LRRC4C: variants seen among roughly 807,000 people sequenced by gnomAD.
The protein encoded by LRRC4C is leucine rich repeat containing 4C.
Under a neutral mutation model 33.6 loss-of-function variants are expected in LRRC4C, and 5 were observed. That is an observed-to-expected ratio of 0.15 (90% confidence interval 0.08 to 0.31). The LOEUF is 0.31. LRRC4C is among the 10% of genes least tolerant of loss of function. The probability of loss-of-function intolerance (pLI) is 1.00; values close to 1 mark genes in which losing one functional copy is unlikely to be tolerated. For synonymous variants in LRRC4C, 329 were observed against 302.0 expected (o/e 1.09, Z -0.93); for missense variants, 560 against 796.7 (o/e 0.70, Z 3.58).
At chr11:41,090,016 A>T in intron 1 of LRRC4C, among the ~76,000 whole-genome samples, 1 of 68,462 alleles carries the variant, frequency 1.5e-5, no homozygotes, top group East Asian at 4.3e-4. Flanking sequence ...ATTGATATTC[A>T]AAAAAAAATT....
chr11:40,401,675 G>T (rs1438695413), intron 3 of LRRC4C, among the ~76,000 whole-genome samples: 1 of 152,132 alleles, frequency 6.6e-6, no homozygotes, highest in Non-Finnish European at 1.5e-5. Flanking sequence ...TTCCACATGA[G>T]TGTGTGTTGC....
intron 1 of LRRC4C, among the ~76,000 whole-genome samples, chr11:41,192,382 C>T: frequency 6.9e-6 from 1 of 144,012 alleles, no homozygotes; most frequent in Admixed American, 7.1e-5. Flanking sequence ...GACAACAGGG[C>T]TAATCAAGAA....
intron 6 of LRRC4C, among the ~76,000 whole-genome samples, chr11:40,125,619 T>A (rs1856166141): frequency 6.6e-6 from 1 of 152,164 alleles, no homozygotes; most frequent in Admixed American, 6.6e-5. Context: ...TATTATTTTA[T>A]TTTCCTATAC....
At chr11:41,302,340 C>T (rs975169073) in intron 1 of LRRC4C, among the ~76,000 whole-genome samples, 13 of 152,148 alleles carry the variant, frequency 8.5e-5, no homozygotes, top group African/African-American at 2.4e-4. Flanking sequence ...GGGGAAGCTA[C>T]GCAATCACAG....
chr11:41,107,358 A>G (rs652212), intron 1 of LRRC4C, among the ~76,000 whole-genome samples: 1 of 152,114 alleles, frequency 6.6e-6, no homozygotes, highest in South Asian at 2.1e-4. Flanking sequence ...ACAATACTGT[A>G]TTAGAGATAC....
chr11:40,250,124 C>T (rs1296077670), intron 4 of LRRC4C, among the ~76,000 whole-genome samples: 1 of 148,612 alleles, frequency 6.7e-6, no homozygotes, highest in Non-Finnish European at 1.5e-5. Flanking sequence ...TCCTTGTTAT[C>T]GATGAACTAC....
intron 1 of LRRC4C, among the ~76,000 whole-genome samples, chr11:41,035,433 A>C (rs1280164297): frequency 6.6e-6 from 1 of 151,950 alleles, no homozygotes; most frequent in Non-Finnish European, 1.5e-5. Flanking sequence ...CTCTGTGACC[A>C]TGTGTTCTCA....
intron 3 of LRRC4C, among the ~76,000 whole-genome samples, chr11:40,366,092 T>C (rs142465089): frequency 0.012 from 1,897 of 152,198 alleles, 29 homozygotes; most frequent in African/African-American, 0.038. Flanking sequence ...AACTGTGTTT[T>C]GTTTTTGTAA....
chr11:41,253,250 C>G, intron 1 of LRRC4C, among the ~76,000 whole-genome samples: 1 of 152,202 alleles, frequency 6.6e-6, no homozygotes, highest in Admixed American at 6.5e-5. Context: ...TTATAATCAT[C>G]AAAATGAGTA....
chr11:41,317,030 A>G (rs1399216845), intron 1 of LRRC4C, among the ~76,000 whole-genome samples: 1 of 152,226 alleles, frequency 6.6e-6, no homozygotes, highest in Non-Finnish European at 1.5e-5. Flanking sequence ...AGGAGCCAAC[A>G]GTCCCCTTTT....
chr11:40,116,215 C>T lies in LRRC4C; in HGVS notation c.78G>A (p.Leu26=). Reference sequence around the variant, plus strand: ...GTTGAAGAGCCAGCAGCACCACAAGCAGGGGGTCAAATAGGGCCCTGTTAA... The same window carrying T: ...GTTGAAGAGCCAGCAGCACCACAAGTAGGGGGTCAAATAGGGCCCTGTTAA... The part of the protein sequence containing the change: ...PRFNRALFDP[L]LVVLLALQLL... The change falls in exon 7 of 7, where the codon CTG becomes CTA. Residue 26 remains leucine (L), a synonymous_variant. Coordinates refer to ENST00000528697, the MANE Select transcript of LRRC4C (RefSeq NM_001258419.2). 1 of 1,614,074 alleles carries T rather than the reference C, an allele frequency of 6.2e-7. No individual in the cohort carries two copies.
chr11:40,751,650 G>T (rs1482541037), intron 2 of LRRC4C, among the ~76,000 whole-genome samples: 1 of 151,958 alleles, frequency 6.6e-6, no homozygotes, highest in Non-Finnish European at 1.5e-5. Context: ...TTGGAAGAAT[G>T]AATCTCATTA....
rs1230464056 is a variant in LRRC4C, at chr11:40,433,994, G to A, written c.-269-114273C>T. Reference sequence around the variant, plus strand: ...GTTAAATAACCCTAATGGGAAGACTGTGTTCAGGCTCAATAAAAATAGAGG... The same window carrying A: ...GTTAAATAACCCTAATGGGAAGACTATGTTCAGGCTCAATAAAAATAGAGG... On this transcript the variant is annotated intron_variant, in intron 3 of 6. Coordinates refer to ENST00000528697, the MANE Select transcript of LRRC4C (RefSeq NM_001258419.2). Among the ~76,000 whole-genome samples, 3 of 152,316 alleles carry A rather than the reference G, an allele frequency of 2.0e-5. 1 individual carries two copies. The highest frequency in any genetic ancestry group is 4.8e-5 in the African/African-American group (2 of 41,574).
intron 1 of LRRC4C, among the ~76,000 whole-genome samples, chr11:40,984,567 G>A (rs919711835): frequency 1.3e-5 from 2 of 152,098 alleles, no homozygotes; most frequent in Non-Finnish European, 2.9e-5. Flanking sequence ...TGAGAGAGGA[G>A]AATGGCATTT....
chr11:40,284,784 G>A (rs569077945), intron 4 of LRRC4C, among the ~76,000 whole-genome samples: 1 of 152,218 alleles, frequency 6.6e-6, no homozygotes, highest in Non-Finnish European at 1.5e-5. Flanking sequence ...TCTAAGTGAG[G>A]ATTAAGGAGT....
intron 2 of LRRC4C, among the ~76,000 whole-genome samples, chr11:40,919,411 G>A (rs1848121291): frequency 6.6e-6 from 1 of 152,086 alleles, no homozygotes; most frequent in African/African-American, 2.4e-5. Flanking sequence ...ATAACTCATA[G>A]CGTTATCTAA....
At chr11:40,735,354 T>C (rs918542546) in intron 2 of LRRC4C, among the ~76,000 whole-genome samples, 15 of 148,292 alleles carry the variant, frequency 1.0e-4, no homozygotes, top group Non-Finnish European at 1.9e-4. Context: ...ATGTTCCCCT[T>C]CCTGTGTCCA....
intron 2 of LRRC4C, among the ~76,000 whole-genome samples, chr11:40,772,209 C>A (rs898387340): frequency 6.6e-6 from 1 of 152,172 alleles, no homozygotes; most frequent in Non-Finnish European, 1.5e-5. Context: ...CAAACACATC[C>A]TTTTCACATG....
intron 3 of LRRC4C, among the ~76,000 whole-genome samples, chr11:40,409,369 A>G (rs1950074255): frequency 2.0e-5 from 3 of 152,050 alleles, no homozygotes; most frequent in Admixed American, 2.0e-4. Flanking sequence ...AGCAGAGGCA[A>G]CAAAAGCCAA....
Sources: allele counts gnomAD v4.1 joint callset (sites outside exome capture counted in the v4.1 genomes callset), GRCh38; gene constraint gnomAD v4.1.1; transcripts MANE v1.5; gene names NCBI Gene and HGNC (gene_info 2026-07-23, HGNC 2026-07-21).